The following EYS variants were observed in gnomAD, a reference collection of about 807,000 sequenced individuals.
The protein encoded by EYS is protein eyes shut homolog.
A neutral mutation model predicts 282.1 loss-of-function variants in EYS; 250 were observed. That is an observed-to-expected ratio of 0.89 (90% CI 0.80 to 0.98). The LOEUF is 0.98. Among genes scored for constraint, EYS ranks in the 50% least tolerant of loss-of-function variants. EYS has a pLI of 0.00. For synonymous variants in EYS, 1,355 were observed against 1,282.9 expected (o/e 1.06, Z -1.20); for missense variants, 4,016 against 3,709.0 (o/e 1.08, Z -2.15).
intron 36 of EYS, among the ~76,000 whole-genome samples, chr6:63,833,165 G>T (rs931484901): frequency 1.3e-5 from 2 of 152,172 alleles, no homozygotes; most frequent in African/African-American, 4.8e-5. Context: ...ACAAGACAGG[G>T]ATGCCCTCTC....
chr6:64,897,572 C>T (rs1052938339), intron 18 of EYS, among the ~76,000 whole-genome samples: 2 of 152,100 alleles, frequency 1.3e-5, no homozygotes, highest in African/African-American at 4.8e-5. Context: ...AATTTCTCAC[C>T]AGCAAGGGAA....
chr6:64,913,246 A>T (rs1236227269), intron 15 of EYS, among the ~76,000 whole-genome samples: 1 of 152,102 alleles, frequency 6.6e-6, no homozygotes, highest in Non-Finnish European at 1.5e-5. Flanking sequence ...CATTTTTAAA[A>T]ATATATTTTC....
At chr6:64,622,315 A>G (rs796595237) in intron 23 of EYS, among the ~76,000 whole-genome samples, 1 of 152,280 alleles carries the variant, frequency 6.6e-6, no homozygotes, top group African/African-American at 2.4e-5. Context: ...TGGCCATCAT[A>G]AATGAATTGT....
At chr6:64,560,721 G>A (rs1183624284) in intron 26 of EYS, among the ~76,000 whole-genome samples, 1 of 151,990 alleles carries the variant, frequency 6.6e-6, no homozygotes, top group Non-Finnish European at 1.5e-5. Context: ...AAAAAATAAA[G>A]TTTGTTATAT....
chr6:65,197,399 T>TA (rs529680597), intron 12 of EYS, among the ~76,000 whole-genome samples: 2 of 152,064 alleles, frequency 1.3e-5, no homozygotes, highest in South Asian at 4.2e-4. Flanking sequence ...GAAAGCCCAT[T>TA]AAAAAAGGGA....
intron 2 of EYS, among the ~76,000 whole-genome samples, chr6:65,633,953 C>A (rs1767005244): frequency 6.6e-6 from 1 of 152,198 alleles, no homozygotes. Context: ...TGTGTGCTGA[C>A]CCCTGCTAGA....
intron 22 of EYS, among the ~76,000 whole-genome samples, chr6:64,758,691 T>C (rs1311429445): frequency 6.6e-6 from 1 of 152,174 alleles, no homozygotes; most frequent in Admixed American, 6.5e-5. Context: ...TGACAACAGA[T>C]TTCTTTTCTT....
chr6:64,139,568 A>C (rs1465684807), intron 31 of EYS, among the ~76,000 whole-genome samples: 3 of 152,186 alleles, frequency 2.0e-5, no homozygotes, highest in Non-Finnish European at 4.4e-5. Context: ...AAAAGGGATA[A>C]GATTTTGTCA....
At chr6:64,140,669 G>A (rs1774312088) in intron 31 of EYS, among the ~76,000 whole-genome samples, 1 of 152,076 alleles carries the variant, frequency 6.6e-6, no homozygotes, top group African/African-American at 2.4e-5. Flanking sequence ...GAAGGTCGCG[G>A]GTCCTCTCCA....
chr6:65,022,620 C>T (rs1355277430), intron 13 of EYS, among the ~76,000 whole-genome samples: 3 of 151,284 alleles, frequency 2.0e-5, no homozygotes, highest in Non-Finnish European at 4.4e-5. Context: ...AAATAAAGAG[C>T]ATTGATAAAG....
chr6:65,473,994 C>T (rs1027995653), intron 5 of EYS, among the ~76,000 whole-genome samples: 1 of 151,892 alleles, frequency 6.6e-6, no homozygotes, highest in Non-Finnish European at 1.5e-5. Context: ...ATTTTCCTTG[C>T]AGTTAAGGAG....
At chr6:63,793,369 A>G (rs1161118809) in intron 37 of EYS, among the ~76,000 whole-genome samples, 3 of 152,222 alleles carry the variant, frequency 2.0e-5, no homozygotes, top group Non-Finnish European at 4.4e-5. Flanking sequence ...AAAGACAGTT[A>G]ACTTAGATTT....
At chr6:65,082,710 T>C (rs918686373) in intron 12 of EYS, among the ~76,000 whole-genome samples, 1 of 152,042 alleles carries the variant, frequency 6.6e-6, no homozygotes, top group Admixed American at 6.6e-5. Context: ...TAATAAACAG[T>C]TTCTGAGTTC....
At chr6:64,643,529 G>A (rs1037614539) in intron 22 of EYS, among the ~76,000 whole-genome samples, 3 of 152,126 alleles carry the variant, frequency 2.0e-5, no homozygotes, top group Non-Finnish European at 2.9e-5. Flanking sequence ...GTGAGAGTAG[G>A]TGTAGGGAAG....
At chr6:64,635,230 C>T (rs141040134) in intron 22 of EYS, among the ~76,000 whole-genome samples, 5,269 of 152,192 alleles carry the variant, frequency 0.035, 155 homozygotes, top group Non-Finnish European at 0.045. Flanking sequence ...TGGGCTGAGA[C>T]GATGGGGTTT....
intron 2 of EYS, among the ~76,000 whole-genome samples, chr6:65,601,566 C>T (rs1258610022): frequency 3.3e-5 from 5 of 151,980 alleles, no homozygotes; most frequent in African/African-American, 1.2e-4. Context: ...GATGCTAATT[C>T]TATCCAGAAA....
At chr6:64,748,227 T>A (rs998549170) in intron 22 of EYS, among the ~76,000 whole-genome samples, 1 of 152,228 alleles carries the variant, frequency 6.6e-6, no homozygotes, top group Non-Finnish European at 1.5e-5. Flanking sequence ...AATGTAATAA[T>A]AAACACACAT....
At chr6:63,999,701 C>T (rs1481868398) in intron 33 of EYS, among the ~76,000 whole-genome samples, 2 of 152,054 alleles carry the variant, frequency 1.3e-5, no homozygotes, top group African/African-American at 2.4e-5. Context: ...GAAAGCATGC[C>T]GCTAATGTAT....
chr6:65,216,674 TA>T (rs1766322313), intron 12 of EYS, among the ~76,000 whole-genome samples: 1 of 151,770 alleles, frequency 6.6e-6, no homozygotes, highest in African/African-American at 2.4e-5. Flanking sequence ...AAATAGAATA[TA>T]AAAAATAATT....
Sources: gnomAD v4.1 joint callset for allele counts (sites outside exome capture counted in the v4.1 genomes callset) on GRCh38, gnomAD v4.1.1 for gene constraint, MANE v1.5 for transcripts, NCBI Gene and HGNC (gene_info 2026-07-23, HGNC 2026-07-21) for gene names.